VPS35L: variants seen among roughly 807,000 people sequenced by gnomAD.
VPS35L encodes the protein VPS35 endosomal protein sorting factor like, also known as VPS35 endosomal protein-sorting factor-like.
A neutral mutation model predicts 133.0 loss-of-function variants in VPS35L; 83 were observed. The ratio of observed to expected loss-of-function variants is 0.62; its 90% CI spans 0.52 to 0.75. The LOEUF (loss-of-function observed/expected upper bound fraction) is 0.75, where lower values mean the gene tolerates loss of function less well. Ranked by LOEUF, VPS35L falls within the 30% of genes least tolerant of loss-of-function variation. The pLI, the probability that VPS35L is intolerant of heterozygous loss-of-function variation, is 0.00. For synonymous variants in VPS35L, 423 were observed against 449.9 expected (o/e 0.94, Z 0.76); for missense variants, 1,083 against 1,206.8 (o/e 0.90, Z 1.52).
intron 7 of VPS35L, among the ~76,000 whole-genome samples, chr16:19,588,611 TA>T (rs1047681059): frequency 6.6e-6 from 1 of 152,020 alleles, no homozygotes; most frequent in Non-Finnish European, 1.5e-5. Context: ...TTTTACAAAA[TA>T]AAAAAAACCT....
chr16:19,623,766 TTTATTATTATTA>T lies in VPS35L; in HGVS notation c.1225-2372_1225-2361del, dbSNP rs199933640. Among the ~76,000 whole-genome samples the T allele has an allele frequency of 3.1e-3, 399 of 126,834 alleles. 3 individuals carry two copies. Among genetic ancestry groups the T allele is most frequent in the East Asian group, 0.018 (81 of 4,444 alleles). The allele number at this position is 126,834 out of a possible 152,430, so 83.2% of individuals were successfully genotyped here. On this transcript the variant is annotated intron_variant, in intron 14 of 30. Coordinates refer to ENST00000417362, the MANE Select transcript of VPS35L (RefSeq NM_020314.7). ...TTATTTTTTACTTTTTACTTATTTA[TTTATTATTATTA>T]TTATTATTATTATTATTATTATTAT... is the stretch of plus-strand genomic sequence containing the variant.
chr16:19,632,520 C>G (rs1973488926), intron 18 of VPS35L, among the ~76,000 whole-genome samples: 1 of 152,036 alleles, frequency 6.6e-6, no homozygotes, highest in African/African-American at 2.4e-5. Flanking sequence ...TGGATTTTTC[C>G]CATTGCATCC....
chr16:19,677,036 A>C (rs1014466244), intron 27 of VPS35L, among the ~76,000 whole-genome samples: 10 of 151,430 alleles, frequency 6.6e-5, no homozygotes, highest in Admixed American at 6.6e-4. Flanking sequence ...ACATAGCAAG[A>C]CCTCATCTCA....
Position 19,645,006 on chromosome 16 carries a change from C to T in VPS35L, c.1929+57C>T, listed in dbSNP as rs1973895568. ...TGGAAGTGTGATGTAATTGTTTATCCTTATGTTGGCGAAAGCAGTTAACAT... is the reference window on the plus strand; with the variant it reads ...TGGAAGTGTGATGTAATTGTTTATCTTTATGTTGGCGAAAGCAGTTAACAT... On this transcript the variant is annotated intron_variant, in intron 23 of 30. Transcript: ENST00000417362. 3 of 1,231,856 alleles carry T rather than the reference C, an allele frequency of 2.4e-6. No homozygotes were observed. In the Admixed American group the frequency reaches 5.6e-5, roughly 23 times the overall value. 76.3% of individuals were successfully genotyped at this position (1,231,856 alleles called of 1,614,324 possible). A position where few individuals can be genotyped will look rare whatever the true frequency, so the allele number is the denominator to read the frequency against.
At chr16:19,654,343 C>A (rs971949514) in intron 26 of VPS35L, among the ~76,000 whole-genome samples, 3 of 138,350 alleles carry the variant, frequency 2.2e-5, no homozygotes, top group Admixed American at 6.9e-5. Flanking sequence ...CCCCTCTCCC[C>A]ACTAGGACAG....
At chr16:19,683,084 C>T (rs932869924) in intron 28 of VPS35L, among the ~76,000 whole-genome samples, 3 of 152,130 alleles carry the variant, frequency 2.0e-5, no homozygotes, top group Non-Finnish European at 4.4e-5. Context: ...GCCACTGCTC[C>T]TGGATAATTT....
intron 20 of VPS35L, among the ~76,000 whole-genome samples, chr16:19,638,297 T>G (rs1266901460): frequency 1.3e-5 from 2 of 152,202 alleles, no homozygotes; most frequent in Non-Finnish European, 2.9e-5. Context: ...TATACCACAC[T>G]CCAAGCACTG....
chr16:19,649,976 A>T (rs1974074093), intron 24 of VPS35L, among the ~76,000 whole-genome samples: 1 of 152,128 alleles, frequency 6.6e-6, no homozygotes, highest in Admixed American at 6.6e-5. Context: ...TTGGTACTGT[A>T]TAGCTGAATG....
At chr16:19,648,474 G>A (rs112801604) in intron 24 of VPS35L, among the ~76,000 whole-genome samples, 10 of 152,234 alleles carry the variant, frequency 6.6e-5, no homozygotes, top group African/African-American at 1.9e-4. Context: ...CCCTTCTTAC[G>A]TAACAAGAGG....
At chr16:19,691,525 C>T (rs551738655) in intron 29 of VPS35L, 54 bp downstream of exon 29, 1 of 1,446,962 alleles carries the variant, frequency 6.9e-7, no homozygotes, top group Non-Finnish European at 9.7e-7. Context: ...GCACAAGTTT[C>T]CAGGGTGGTT....
intron 8 of VPS35L, among the ~76,000 whole-genome samples, chr16:19,597,034 CCAACAA>C: frequency 6.7e-6 from 1 of 150,148 alleles, no homozygotes; most frequent in East Asian, 2.0e-4. Context: ...AACAATCAAA[CCAACAA>C]CAACAACAAC....
rs1974144533 is a variant in VPS35L, at chr16:19,652,011, C to T, written c.2142C>T (p.Ser714=). ...CVAYCFITIP[S]LAGIFTRLNL... ...CCTACTGCTTCATCACCATCCCCTCCCTGGCGGGCATCTTCACACGTCTCA... is the reference window on the plus strand; with the variant it reads ...CCTACTGCTTCATCACCATCCCCTCTCTGGCGGGCATCTTCACACGTCTCA... Residue 714 remains serine (S), a synonymous_variant, in exon 26 of 31, where the codon TCC becomes TCT. Transcript: ENST00000417362. 6.2e-7 allele frequency: 1 copy of T among 1,613,586 alleles called. No individual in the cohort carries two copies. Among genetic ancestry groups the T allele is most frequent in the Admixed American group, 1.7e-5 (1 of 59,988 alleles).
At position 19,695,471 on chromosome 16, in the gene VPS35L, A is replaced by G. The variant is rs115853783; in HGVS notation, c.2646+4000A>G. On this transcript the variant is annotated intron_variant, in intron 29 of 30. Coordinates refer to ENST00000417362, the MANE Select transcript of VPS35L (RefSeq NM_020314.7). ...TCTGAAGAACATTTCACGTGGCATC[A>G]ATACCAGCGATGTTCACTGAAAATG... Among the ~76,000 whole-genome samples the G allele has an allele frequency of 2.1e-3, 319 of 152,326 alleles. 3 individuals are homozygous for G. The highest frequency in any genetic ancestry group is 7.4e-3 in the African/African-American group (309 of 41,566).
chr16:19,570,465 G>C (rs116027492), intron 3 of VPS35L, among the ~76,000 whole-genome samples: 2,262 of 152,164 alleles, frequency 0.015, 63 homozygotes, highest in African/African-American at 0.051. Context: ...AGACACTACA[G>C]ATAAAGTCAT....
chr16:19,628,436 A>G (rs1325096705), intron 16 of VPS35L, among the ~76,000 whole-genome samples: 1 of 152,228 alleles, frequency 6.6e-6, no homozygotes, highest in East Asian at 1.9e-4. Context: ...CCCACATTAG[A>G]CCAACAGATG....
At chr16:19,651,544 T>C (rs1394065621) in intron 25 of VPS35L, among the ~76,000 whole-genome samples, 2 of 152,164 alleles carry the variant, frequency 1.3e-5, no homozygotes, top group East Asian at 3.9e-4. Context: ...GTCTGTGTTT[T>C]TAAACATGAA....
At chr16:19,578,920 G>A (rs1956279848) in intron 5 of VPS35L, 132 bp from the exon 6 acceptor site, 1 of 786,244 alleles carries the variant, frequency 1.3e-6, no homozygotes, top group Non-Finnish European at 2.2e-6. Context: ...TGAAAATCTG[G>A]GATAGTTTTC....
chr16:19,627,563 T>G, intron 15 of VPS35L, 131 bp from the exon 16 acceptor site: 1 of 682,354 alleles, frequency 1.5e-6, no homozygotes, highest in South Asian at 1.7e-5. Flanking sequence ...CTTTTTACTC[T>G]GATTTTTTGT....
chr16:19,621,254 C>T (rs1219464368), intron 14 of VPS35L, among the ~76,000 whole-genome samples: 2 of 152,076 alleles, frequency 1.3e-5, no homozygotes, highest in Admixed American at 1.3e-4. Context: ...AGGCAGAATT[C>T]TAGATAAGAA....
Sources: gnomAD v4.1 joint callset for allele counts (sites outside exome capture counted in the v4.1 genomes callset) on GRCh38, gnomAD v4.1.1 for gene constraint, MANE v1.5 for transcripts, NCBI Gene and HGNC (gene_info 2026-07-23, HGNC 2026-07-21) for gene names.